CPSF7: variants seen among roughly 807,000 people sequenced by gnomAD.
CPSF7 encodes the protein cleavage and polyadenylation specific factor 7, also known as cleavage and polyadenylation specificity factor subunit 7.
CPSF7 carries 1 observed loss-of-function variant against 44.3 expected under a neutral mutation model. The ratio of observed to expected loss-of-function variants is 0.02; its 90% CI spans 0.01 to 0.11. CPSF7 has a LOEUF of 0.11. CPSF7 is among the 10% of genes least tolerant of loss of function. The probability of loss-of-function intolerance (pLI) is 1.00; values close to 1 mark genes in which losing one functional copy is unlikely to be tolerated. For missense variants in CPSF7, 443 were observed against 607.2 expected, an observed-to-expected ratio of 0.73 and a Z score of 2.84; for synonymous variants, 202 against 222.0, an observed-to-expected ratio of 0.91 and a Z score of 0.80.
chr11:61,417,714 A>C (rs1860469822), intron 5 of CPSF7, among the ~76,000 whole-genome samples: 1 of 152,206 alleles, frequency 6.6e-6, no homozygotes, highest in Non-Finnish European at 1.5e-5. Flanking sequence ...TCTCAAACTG[A>C]AGAACAAAAA....
intron 8 of CPSF7, 82 bp from the exon 9 acceptor site, chr11:61,411,187 T>C: frequency 7.1e-7 from 1 of 1,415,014 alleles, no homozygotes; most frequent in Non-Finnish European, 9.5e-7. Flanking sequence ...TCTTCTGATA[T>C]TTGCCTAAAC....
intron 9 of CPSF7, among the ~76,000 whole-genome samples, 193 bp from the exon 10 acceptor site, chr11:61,404,897 G>A (rs1357138636): frequency 6.6e-6 from 1 of 152,162 alleles, no homozygotes; most frequent in East Asian, 1.9e-4. Flanking sequence ...ATGGCTGGAG[G>A]AGAAGCTACT....
intron 8 of CPSF7, among the ~76,000 whole-genome samples, chr11:61,411,481 C>T (rs191276439): frequency 6.6e-6 from 1 of 152,320 alleles, no homozygotes; most frequent in Admixed American, 6.5e-5. Context: ...AGCAGCAGAA[C>T]TGGGATTCCA....
chr11:61,415,373 A>G (rs112668995), intron 7 of CPSF7, among the ~76,000 whole-genome samples: 1 of 152,182 alleles, frequency 6.6e-6, no homozygotes, highest in Non-Finnish European at 1.5e-5. Flanking sequence ...AGATTTCCAC[A>G]AGGCAGGAAT....
intron 2 of CPSF7, among the ~76,000 whole-genome samples, chr11:61,424,362 T>G (rs1384631559): frequency 6.6e-6 from 1 of 152,236 alleles, no homozygotes; most frequent in Non-Finnish European, 1.5e-5. Flanking sequence ...TATGGTGAGT[T>G]GCTCCTGTGG....
chr11:61,416,421 T>C lies in CPSF7; in HGVS notation c.622A>G (p.Lys208Glu), dbSNP rs1860344605. The C allele has an allele frequency of 1.2e-6, 2 of 1,613,720 alleles. No individual in the cohort carries two copies. Among genetic ancestry groups the C allele is most frequent in the African/African-American group, 2.7e-5 (2 of 74,826 alleles). Residue 208 changes from lysine (K) to glutamate (E), a missense_variant, in exon 6 of 10, where the codon AAG (lysine) becomes GAG (glutamate). Coordinates refer to ENST00000439958, the MANE Select transcript of CPSF7 (RefSeq NM_001142565.3). ...NLVPSSARVDKPPSVLPYFNR... is the reference protein window; with the variant it reads ...NLVPSSARVDEPPSVLPYFNR... ...AAGTAGGGCAGCACACTGGGGGGCT[T>C]ATCCACACGAGCAGATGAGGGTACA...
At chr11:61,415,955 A>G in intron 6 of CPSF7, 150 bp downstream of exon 6, 1 of 868,636 alleles carries the variant, frequency 1.2e-6, no homozygotes, top group Admixed American at 2.6e-5. Context: ...TATAAAGGAC[A>G]TGGTACTACT....
chr11:61,413,321 G>A (rs571745971), intron 7 of CPSF7, among the ~76,000 whole-genome samples: 53 of 152,020 alleles, frequency 3.5e-4, no homozygotes, highest in Middle Eastern at 3.4e-3. Context: ...ACATGTATGC[G>A]TAGTATATGT....
intron 7 of CPSF7, 113 bp downstream of exon 7, chr11:61,415,553 A>G (rs1305688308): frequency 1.6e-5 from 11 of 707,640 alleles, no homozygotes; most frequent in East Asian, 2.5e-5. Flanking sequence ...GCCGCTCTTG[A>G]TATCTACAGT....
At chr11:61,420,222 A>G (rs1036249192) in intron 4 of CPSF7, 128 bp from the exon 5 acceptor site, 1 of 753,712 alleles carries the variant, frequency 1.3e-6, no homozygotes, top group Non-Finnish European at 2.2e-6. Flanking sequence ...ACACACATAC[A>G]GCACTAACAA....
At chr11:61,429,776 C>CAGGA in intron 1 of CPSF7, 138 bp downstream of exon 1, 1 of 1,547,652 alleles carries the variant, frequency 6.5e-7, no homozygotes, top group Non-Finnish European at 8.7e-7. Flanking sequence ...CGCGCTCTGC[C>CAGGA]TCCTCCCTCA....
intron 9 of CPSF7, among the ~76,000 whole-genome samples, chr11:61,409,802 C>T (rs911648102): frequency 1.3e-5 from 2 of 151,864 alleles, no homozygotes; most frequent in Non-Finnish European, 2.9e-5. Context: ...GGTAAAGCCC[C>T]GCCTCTACTA....
At chr11:61,408,297 C>T (rs1003025560) in intron 9 of CPSF7, among the ~76,000 whole-genome samples, 8 of 151,898 alleles carry the variant, frequency 5.3e-5, no homozygotes, top group African/African-American at 1.7e-4. Context: ...GGGATAGAGA[C>T]GGGGTTTCAC....
Position 61,403,389 on chromosome 11 carries a change from T to C in CPSF7, c.*1321A>G, listed in dbSNP as rs1305247757. 6.6e-6 allele frequency: 1 copy of C among 152,138 alleles called. No individual in the cohort carries two copies. Among genetic ancestry groups the C allele is most frequent in the Non-Finnish European group, 1.5e-5 (1 of 68,024 alleles). 9.4% of individuals were successfully genotyped at this position (152,138 alleles called of 1,614,324 possible). ...CAGGACCTCGCTGCTGCCTCCTCCT[T>C]CAGCAGCAACCACATTACAATTTGG... On this transcript the variant is annotated 3_prime_UTR_variant, in exon 10 of 10. Transcript: ENST00000439958.
chr11:61,427,232 T>G (rs75894563), intron 2 of CPSF7: 11 of 144,726 alleles, frequency 7.6e-5, no homozygotes, highest in South Asian at 4.4e-4. Context: ...AGACTGTGTG[T>G]TTTTTTTTTT....
intron 9 of CPSF7, among the ~76,000 whole-genome samples, chr11:61,410,365 T>C (rs1859746566): frequency 6.6e-6 from 1 of 152,206 alleles, no homozygotes. Context: ...ATCATAGGTG[T>C]GAGCCATCAT....
At chr11:61,417,899 T>A (rs1182594354) in intron 5 of CPSF7, among the ~76,000 whole-genome samples, 1 of 152,106 alleles carries the variant, frequency 6.6e-6, no homozygotes, top group Non-Finnish European at 1.5e-5. Flanking sequence ...TCCATCAGCA[T>A]GACAGAGCAG....
In CPSF7 at chr11:61,404,701, AC is replaced by A. The variant is rs1859145482; in HGVS notation, c.*8del. 6.6e-6 allele frequency: 1 copy of A among 152,108 alleles called. No individual in the cohort carries two copies. Among genetic ancestry groups the A allele is most frequent in the Admixed American group, 6.6e-5 (1 of 15,254 alleles). The allele number at this position is 152,108 out of a possible 1,614,324, so 9.4% of individuals were successfully genotyped here. ...TAAAAAAACATTTGCTTCCAACCAGACTCCTGCAATGAGAACATCAGAAGAA... is the reference window on the plus strand; with the variant it reads ...TAAAAAAACATTTGCTTCCAACCAGATCCTGCAATGAGAACATCAGAAGAA... On this transcript the variant is annotated splice_region_variant and 3_prime_UTR_variant, in exon 10 of 10. Transcript: ENST00000439958.
At chr11:61,422,569 G>A (rs1000994493) in intron 2 of CPSF7, among the ~76,000 whole-genome samples, 2 of 152,004 alleles carry the variant, frequency 1.3e-5, no homozygotes, top group South Asian at 2.1e-4. Context: ...CACTGGCCTC[G>A]GCCTCCCAAA....
Sources: gnomAD v4.1 joint callset for allele counts (sites outside exome capture counted in the v4.1 genomes callset) on GRCh38, gnomAD v4.1.1 for gene constraint, MANE v1.5 for transcripts, NCBI Gene and HGNC (gene_info 2026-07-23, HGNC 2026-07-21) for gene names.